SKAP1: variants seen among roughly 807,000 people sequenced by gnomAD.
SKAP1 encodes the protein src kinase associated phosphoprotein 1.
A neutral mutation model predicts 58.5 loss-of-function variants in SKAP1; 44 were observed. That is an observed-to-expected ratio of 0.75 (90% confidence interval 0.59 to 0.97). The LOEUF is 0.97. Ranked by LOEUF, SKAP1 falls within the 50% of genes least tolerant of loss-of-function variation. The pLI, the probability that SKAP1 is intolerant of heterozygous loss-of-function variation, is 0.00. For synonymous variants in SKAP1, 127 were observed against 149.7 expected, an observed-to-expected ratio of 0.85 and a Z score of 1.11; for missense variants, 390 against 435.2, an observed-to-expected ratio of 0.90 and a Z score of 0.92.
At chr17:48,182,617 C>T (rs571448780) in intron 7 of SKAP1, among the ~76,000 whole-genome samples, 160 bp from the exon 8 acceptor site, 1 of 152,316 alleles carries the variant, frequency 6.6e-6, no homozygotes, top group South Asian at 2.1e-4. Context: ...AAATATTTCA[C>T]TCAAACTGAT....
At chr17:48,305,046 C>T (rs1328969633) in intron 4 of SKAP1, among the ~76,000 whole-genome samples, 1 of 152,052 alleles carries the variant, frequency 6.6e-6, no homozygotes, top group Non-Finnish European at 1.5e-5. Flanking sequence ...CTCACCCACA[C>T]CATTTTTTGT....
chr17:48,443,839 AGTAT>A, the SKAP1 span, among the ~76,000 whole-genome samples: 1 of 152,308 alleles, frequency 6.6e-6, no homozygotes, highest in East Asian at 1.9e-4. Context: ...AAGTTATCAT[AGTAT>A]CTAGAACTCA....
At chr17:48,285,302 T>A (rs2065815981) in intron 4 of SKAP1, among the ~76,000 whole-genome samples, 1 of 152,288 alleles carries the variant, frequency 6.6e-6, no homozygotes, top group South Asian at 2.1e-4. Flanking sequence ...CTCTTTCTGG[T>A]CATACTGAGT....
chr17:48,272,741 G>C (rs1258402416), intron 4 of SKAP1, among the ~76,000 whole-genome samples: 1 of 151,814 alleles, frequency 6.6e-6, no homozygotes, highest in Non-Finnish European at 1.5e-5. Context: ...ATTTTTGGTA[G>C]AGACGGGGTT....
chr17:48,236,986 C>G (rs2065187994), intron 4 of SKAP1, among the ~76,000 whole-genome samples: 1 of 152,182 alleles, frequency 6.6e-6, no homozygotes, highest in Admixed American at 6.5e-5. Context: ...CTACCATTAT[C>G]TCTATTTTAT....
At chr17:48,256,028 T>G (rs972592068) in intron 4 of SKAP1, among the ~76,000 whole-genome samples, 3 of 152,160 alleles carry the variant, frequency 2.0e-5, no homozygotes, top group Admixed American at 6.6e-5. Context: ...AAAAGGCTTC[T>G]GCAAAGATGC....
chr17:48,253,866 T>G (rs9916572), intron 4 of SKAP1, among the ~76,000 whole-genome samples: 13,055 of 152,110 alleles, frequency 0.086, 842 homozygotes, highest in African/African-American at 0.15. Context: ...AAAATAATAA[T>G]AAGAAGAAAA....
intron 4 of SKAP1, among the ~76,000 whole-genome samples, chr17:48,237,153 G>C (rs1251348137): frequency 1.3e-5 from 2 of 152,162 alleles, no homozygotes; most frequent in Non-Finnish European, 2.9e-5. Context: ...AAGGGTATTT[G>C]TTGTGCCCTA....
intron 4 of SKAP1, among the ~76,000 whole-genome samples, chr17:48,289,446 T>C (rs1162378767): frequency 6.6e-6 from 1 of 152,180 alleles, no homozygotes; most frequent in Non-Finnish European, 1.5e-5. Flanking sequence ...TAGGTAAAAT[T>C]AGTAATTTCA....
intron 4 of SKAP1, among the ~76,000 whole-genome samples, chr17:48,310,451 A>C (rs1232958107): frequency 6.6e-6 from 1 of 152,194 alleles, no homozygotes; most frequent in African/African-American, 2.4e-5. Context: ...AAAAATTACA[A>C]ATGAAACTAA....
rs1230950967 is a variant in SKAP1, at chr17:48,276,072, T to TA, written c.280+69832dup. 1.8e-4 allele frequency among the ~76,000 whole-genome samples: 27 copies of TA among 152,076 alleles called. 1 individual carries two copies. On this transcript the variant is annotated intron_variant, in intron 4 of 12. Transcript: ENST00000336915. ...TAAGGTTGATCAGTCCCCAATGTCT[T>TA]AAAAAATAAAGCCTAACTATCAACC... is the stretch of plus-strand genomic sequence containing the variant.
At chr17:48,374,654 A>C (rs901952287) in intron 2 of SKAP1, among the ~76,000 whole-genome samples, 3 of 152,232 alleles carry the variant, frequency 2.0e-5, no homozygotes, top group African/African-American at 4.8e-5. Flanking sequence ...GGCTTTGCTG[A>C]GCAATGCTAA....
At chr17:48,147,897 C>G (rs983263598) in intron 11 of SKAP1, among the ~76,000 whole-genome samples, 2 of 143,388 alleles carry the variant, frequency 1.4e-5, no homozygotes, top group Non-Finnish European at 3.0e-5. Context: ...GATTGATGGG[C>G]CTGGATACAG....
chr17:48,169,577 G>A (rs542309636), intron 10 of SKAP1, among the ~76,000 whole-genome samples: 7 of 152,322 alleles, frequency 4.6e-5, no homozygotes, highest in Non-Finnish European at 7.3e-5. Flanking sequence ...TCCTGCTTTG[G>A]CGCATGACTT....
At chr17:48,275,599 T>G (rs547575473) in intron 4 of SKAP1, among the ~76,000 whole-genome samples, 1 of 152,340 alleles carries the variant, frequency 6.6e-6, no homozygotes, top group Admixed American at 6.5e-5. Flanking sequence ...AGTGTGTAAC[T>G]TCTTGAACTT....
intron 7 of SKAP1, among the ~76,000 whole-genome samples, chr17:48,183,224 A>G (rs2064393933): frequency 6.6e-6 from 1 of 152,178 alleles, no homozygotes; most frequent in Non-Finnish European, 1.5e-5. Flanking sequence ...GAGGCAGAAG[A>G]CCAACTGGTC....
At chr17:48,361,122 T>G (rs1409746274) in intron 3 of SKAP1, among the ~76,000 whole-genome samples, 2 of 149,900 alleles carry the variant, frequency 1.3e-5, no homozygotes, top group African/African-American at 4.9e-5. Context: ...TACTATACTA[T>G]ACTGTACACC....
At chr17:48,255,778 C>A (rs146576323) in intron 4 of SKAP1, among the ~76,000 whole-genome samples, 1,730 of 152,126 alleles carry the variant, frequency 0.011, 14 homozygotes, top group Admixed American at 0.019. Flanking sequence ...ATTTTTCCTT[C>A]GAAGAGATCT....
chr17:48,342,250 G>A (rs912691758), intron 4 of SKAP1, among the ~76,000 whole-genome samples: 1 of 152,142 alleles, frequency 6.6e-6, no homozygotes. Flanking sequence ...GTTCCCGATG[G>A]TGGGGCTGTG....
Sources: gnomAD v4.1 joint callset for allele counts (sites outside exome capture counted in the v4.1 genomes callset) on GRCh38, gnomAD v4.1.1 for gene constraint, MANE v1.5 for transcripts, NCBI Gene and HGNC (gene_info 2026-07-23, HGNC 2026-07-21) for gene names.